ENO1: variants seen among roughly 807,000 people sequenced by gnomAD.
ENO1 encodes the protein enolase 1.
A neutral mutation model predicts 46.3 loss-of-function variants in ENO1; 33 were observed. The ratio of observed to expected loss-of-function variants is 0.71; its 90% confidence interval spans 0.54 to 0.95. ENO1 has a LOEUF of 0.95. Among genes scored for constraint, ENO1 ranks in the 40% least tolerant of loss-of-function variants. The pLI, the probability that ENO1 is intolerant of heterozygous loss-of-function variation, is 0.00. For synonymous variants in ENO1, 220 were observed against 216.0 expected (o/e 1.02, Z -0.16); for missense variants, 488 against 553.3 (o/e 0.88, Z 1.18).
chr1:8,877,417 T>G (rs540172601), intron 1 of ENO1: 56 of 152,112 alleles, frequency 3.7e-4, no homozygotes, highest in African/African-American at 1.3e-3. Context: ...TTTAGCTGCC[T>G]GGATGGAACC....
intron 2 of ENO1, chr1:8,873,769 TCA>T (rs1642679136): frequency 6.6e-6 from 1 of 152,256 alleles, no homozygotes; most frequent in Non-Finnish European, 1.5e-5. Flanking sequence ...GGCCTGTGAC[TCA>T]CAGATGGTGA....
chr1:8,877,216 T>C (rs550419294), intron 1 of ENO1, among the ~76,000 whole-genome samples: 43 of 151,946 alleles, frequency 2.8e-4, no homozygotes, highest in African/African-American at 1.0e-3. Flanking sequence ...CCTCCCAAAG[T>C]GCTAGGATTA....
At chr1:8,877,704 CAACAACAAA>C (rs1342887461) in intron 1 of ENO1, 2 of 103,808 alleles carry the variant, frequency 1.9e-5, no homozygotes, top group African/African-American at 7.5e-5. Flanking sequence ...AAAACAACAA[CAACAACAAA>C]AAAAAAACAA....
At chr1:8,862,783 A>G in intron 11 of ENO1, 104 bp downstream of exon 11, 1 of 1,312,746 alleles carries the variant, frequency 7.6e-7, no homozygotes, top group African/African-American at 1.5e-5. Flanking sequence ...GCACCTGTAC[A>G]TGTTCCCAGA....
intron 6 of ENO1, 55 bp from the exon 7 acceptor site, chr1:8,866,556 C>T (rs773984887): frequency 5.7e-6 from 9 of 1,577,966 alleles, no homozygotes; most frequent in Admixed American, 1.7e-5. Flanking sequence ...CCCCACAGGG[C>T]AGTAAGCCCC....
At chr1:8,869,907 C>T (rs948296708) in intron 4 of ENO1, among the ~76,000 whole-genome samples, 3 of 152,084 alleles carry the variant, frequency 2.0e-5, no homozygotes, top group East Asian at 1.9e-4. Context: ...ATCTGATGAG[C>T]GCCACAGGAA....
chr1:8,870,325 C>T (rs1642603311), intron 4 of ENO1, 127 bp downstream of exon 4: 2 of 1,204,926 alleles, frequency 1.7e-6, no homozygotes, highest in Admixed American at 2.3e-5. Context: ...TGTTCTCGTG[C>T]GTGACAGGGA....
chr1:8,878,618 G>A lies in ENO1; in HGVS notation c.-48C>T, dbSNP rs1174916963. 1 of 456,082 alleles carries A rather than the reference G, an allele frequency of 2.2e-6. No homozygotes were observed. Among genetic ancestry groups the A allele is most frequent in the Admixed American group, 2.3e-5 (1 of 42,578 alleles). 28.3% of individuals were successfully genotyped at this position (456,082 alleles called of 1,614,324 possible). ...CTCGTCGCCTAGGAGAGGAAGCGGAGGGTGCTGCAGACACCGAGGTGAACG... is the reference window on the plus strand; with the variant it reads ...CTCGTCGCCTAGGAGAGGAAGCGGAAGGTGCTGCAGACACCGAGGTGAACG... On this transcript the variant is annotated 5_prime_UTR_variant, in exon 1 of 12. Transcript: ENST00000234590.
chr1:8,874,688 A>G (rs1010626866), intron 2 of ENO1, 136 bp downstream of exon 2: 1 of 603,680 alleles, frequency 1.7e-6, no homozygotes. Flanking sequence ...GTCAGGAATC[A>G]CAACCTACTA....
Position 8,871,185 on chromosome 1 carries a change from C to A in ENO1, c.182-675G>T, listed in dbSNP as rs1279886648. 11 of 1,080,306 alleles carry A rather than the reference C, an allele frequency of 1.0e-5. No individual in the cohort carries two copies. In the East Asian group the frequency reaches 6.6e-4, roughly 64 times the overall value. The allele number at this position is 1,080,306 out of a possible 1,614,324, so 66.9% of individuals were successfully genotyped here. A position where few individuals can be genotyped will look rare whatever the true frequency, so the allele number is the denominator to read the frequency against. ...CGGGACTGAACACCCAGCACCACCA[C>A]TGCGACACCAGCCCAGTGTTTCACA... On this transcript the variant is annotated intron_variant, in intron 3 of 11. Coordinates refer to ENST00000234590, the MANE Select transcript of ENO1 (RefSeq NM_001428.5).
rs1433414834 is a variant in ENO1, at chr1:8,874,870, G to A, written c.39C>T (p.Asp13=). The change falls in exon 2 of 12, where the codon GAC becomes GAT. Residue 13 remains aspartate (D), a synonymous_variant. Coordinates refer to ENST00000234590, the MANE Select transcript of ENO1 (RefSeq NM_001428.5). ...CCTCAACAGTGGGATTCCCGCGAGA[G>A]TCAAAGATCTCCCTGGCATGGATCT... ...ILKIHAREIF[D]SRGNPTVEVD... 1.2e-6 allele frequency: 2 copies of A among 1,613,718 alleles called. No individual in the cohort carries two copies. Among genetic ancestry groups the A allele is most frequent in the Admixed American group, 1.7e-5 (1 of 59,966 alleles).
chr1:8,864,957 T>A (rs1642479929), intron 8 of ENO1, among the ~76,000 whole-genome samples: 1 of 152,202 alleles, frequency 6.6e-6, no homozygotes, highest in African/African-American at 2.4e-5. Context: ...ATGATACATC[T>A]CAGTACCAAG....
intron 3 of ENO1, 170 bp downstream of exon 3, chr1:8,871,721 C>T: frequency 7.9e-7 from 1 of 1,266,928 alleles, no homozygotes; most frequent in Non-Finnish European, 1.1e-6. Context: ...CACACACCAA[C>T]TTTCCTGTCC....
rs1170541491 is a variant in ENO1 at position 8,866,507 on chromosome 1, G to A, written c.445-6C>T. 3 of 1,614,144 alleles carry A rather than the reference G, an allele frequency of 1.9e-6. No homozygotes were observed. The highest frequency in any genetic ancestry group is 2.5e-6 in the Non-Finnish European group (3 of 1,180,038). ...CCATTGATGACATTGAACGCCTGGG[G>A]AGAGCAGAGCAGAGAAGCATGGCAC... On this transcript the variant is annotated splice_polypyrimidine_tract_variant and splice_region_variant and intron_variant, in intron 6 of 11. Transcript: ENST00000234590.
intron 8 of ENO1, 131 bp from the exon 9 acceptor site, chr1:8,864,223 A>G (rs1543711): frequency 0.81 from 771,089 of 955,386 alleles, 313,399 homozygotes; most frequent in East Asian, 0.94. Flanking sequence ...GGATGGGGAC[A>G]GCTCCCCAAC....
chr1:8,863,734 AT>A (rs2124054572), intron 9 of ENO1, among the ~76,000 whole-genome samples, 156 bp downstream of exon 9: 1 of 152,272 alleles, frequency 6.6e-6, no homozygotes, highest in South Asian at 2.1e-4. Flanking sequence ...CAATTGTTTA[AT>A]TTAAAAGGCT....
chr1:8,861,847 G>A (rs910069780), intron 11 of ENO1, among the ~76,000 whole-genome samples: 6 of 96,822 alleles, frequency 6.2e-5, no homozygotes, highest in Admixed American at 2.7e-4. Flanking sequence ...CTTATTAAAA[G>A]ACAAAATGTG....
chr1:8,863,884 CACTT>C lies in ENO1; in HGVS notation c.1067+3_1067+6del. On this transcript the variant is annotated splice_donor_5th_base_variant and intron_variant, in intron 9 of 11. Transcript: ENST00000234590. ...CGGGAAAGCTGCTCGCCTGGGAAGACACTTACGCCTGAAGAGACTCGGTCACGGA... is the reference window on the plus strand; with the variant it reads ...CGGGAAAGCTGCTCGCCTGGGAAGACACGCCTGAAGAGACTCGGTCACGGA... 1.2e-5 allele frequency: 20 copies of C among 1,614,186 alleles called. No homozygotes were observed. Among genetic ancestry groups the C allele is most frequent in the Non-Finnish European group, 1.7e-5 (20 of 1,180,028 alleles).
intron 3 of ENO1, chr1:8,871,615 C>G (rs1439370574): frequency 3.1e-5 from 38 of 1,234,766 alleles, no homozygotes; most frequent in Non-Finnish European, 3.8e-5. Context: ...CTGTCCTAAC[C>G]GTGAAGGAGT....
Sources: allele counts gnomAD v4.1 joint callset (sites outside exome capture counted in the v4.1 genomes callset), GRCh38; gene constraint gnomAD v4.1.1; transcripts MANE v1.5; gene names NCBI Gene and HGNC (gene_info 2026-07-23, HGNC 2026-07-21).